CDH23: variants seen among roughly 807,000 people sequenced by gnomAD.
CDH23 encodes the protein cadherin related 23.
CDH23 carries 189 observed loss-of-function variants against 317.1 expected under a neutral mutation model. The ratio of observed to expected loss-of-function variants is 0.60; its 90% CI spans 0.53 to 0.67. The LOEUF (loss-of-function observed/expected upper bound fraction) is 0.67. CDH23 is among the 30% of genes least tolerant of loss of function. The pLI, the probability that CDH23 is intolerant of heterozygous loss-of-function variation, is 0.00. For synonymous variants in CDH23, 1,839 were observed against 1,876.8 expected (o/e 0.98, Z 0.52); for missense variants, 4,401 against 4,592.4 (o/e 0.96, Z 1.20).
In CDH23 at chr10:71,578,237, TG is replaced by T. The variant is rs36088489; in HGVS notation, c.832+248del. Reference sequence around the variant, plus strand: ...GCTAAGCTGTCTGGGGGCTGCTTGGTGGGCACTGGGGGGTGGGCGCGTGTGC... The same window carrying T: ...GCTAAGCTGTCTGGGGGCTGCTTGGTGGCACTGGGGGGTGGGCGCGTGTGC... On this transcript the variant is annotated intron_variant, in intron 9 of 69. Coordinates refer to ENST00000224721, the MANE Select transcript of CDH23 (RefSeq NM_022124.6). 0.14 allele frequency among the ~76,000 whole-genome samples: 21,619 copies of T among 152,028 alleles called. 2,144 individuals are homozygous for T. The highest frequency in any genetic ancestry group is 0.51 in the East Asian group (2,625 of 5,132).
chr10:71,450,007 C>T (rs902718822), intron 3 of CDH23, among the ~76,000 whole-genome samples: 1 of 152,228 alleles, frequency 6.6e-6, no homozygotes, highest in Non-Finnish European at 1.5e-5. Flanking sequence ...GGTCTGTTCA[C>T]ATCGCCCTGC....
chr10:71,420,909 C>T (rs571191099), intron 1 of CDH23, among the ~76,000 whole-genome samples: 2 of 152,256 alleles, frequency 1.3e-5, no homozygotes, highest in East Asian at 1.9e-4. Context: ...AGTAACCTCA[C>T]AGAGCAGCAG....
At chr10:71,520,441 G>A (rs530378989) in intron 6 of CDH23, among the ~76,000 whole-genome samples, 1 of 152,324 alleles carries the variant, frequency 6.6e-6, no homozygotes, top group Admixed American at 6.5e-5. Flanking sequence ...ACTGAGTAAG[G>A]GTCAAGGATC....
chr10:71,613,730 C>A (rs1197360093), intron 9 of CDH23, among the ~76,000 whole-genome samples: 2 of 152,220 alleles, frequency 1.3e-5, no homozygotes, highest in Admixed American at 1.3e-4. Context: ...ACATGCAGAT[C>A]CCTTTAGAGT....
chr10:71,793,395 G>A lies in CDH23; in HGVS notation c.6467G>A (p.Gly2156Asp), dbSNP rs1261281103. 1 of 1,613,958 alleles carries A rather than the reference G, an allele frequency of 6.2e-7. No homozygotes were observed. Among genetic ancestry groups the A allele is most frequent in the Middle Eastern group, 1.6e-4 (1 of 6,062 alleles). ...ATDRGTVPLSGTAIVTILIDD... is the reference protein window; with the variant it reads ...ATDRGTVPLSDTAIVTILIDD... The stretch of plus-strand genomic sequence containing the variant: ...GACCGGGGCACCGTTCCTCTCTCGG[G>A]CACAGCCATTGTCACCATTCTGATC... The change falls in exon 48 of 70, where the codon GGC becomes GAC. Residue 2156 changes from glycine (G) to aspartate (D), a missense_variant. Gly to Asp is a moderately conservative substitution (Grantham distance 94). Coordinates refer to ENST00000224721, the MANE Select transcript of CDH23 (RefSeq NM_022124.6).
At chr10:71,584,130 G>C (rs145230222) in intron 9 of CDH23, among the ~76,000 whole-genome samples, 1 of 152,156 alleles carries the variant, frequency 6.6e-6, no homozygotes, top group Non-Finnish European at 1.5e-5. Context: ...TCTCAATGGC[G>C]GCAAAATTTT....
At chr10:71,773,499 C>G (rs1413554839) in intron 38 of CDH23, 2 of 1,504,244 alleles carry the variant, frequency 1.3e-6, no homozygotes, top group East Asian at 4.9e-5. Flanking sequence ...ACGCGGCCGG[C>G]GCGGGGAAGC....
chr10:71,740,822 G>C lies in CDH23; in HGVS notation c.4489G>C (p.Val1497Leu). 6.2e-7 allele frequency: 1 copy of C among 1,613,758 alleles called. No individual in the cohort carries two copies. The highest frequency in any genetic ancestry group is 8.5e-7 in the Non-Finnish European group (1 of 1,179,870). ...REELDHYILQ[V>L]VASDRGTPPR... ...ACTCCAGTTGCCCTCCTCCTTGCAG[G>C]TTGTGGCTTCTGACCGAGGCACCCC... The change falls in exon 37 of 70, where the codon GTT (valine) becomes CTT (leucine). Residue 1497 changes from valine (V) to leucine (L), a missense_variant and splice_region_variant. By Grantham distance (32) the Val-to-Leu change is conservative. Transcript: ENST00000224721.
intron 6 of CDH23, among the ~76,000 whole-genome samples, chr10:71,521,781 T>C (rs1854701590): frequency 6.6e-6 from 1 of 152,236 alleles, no homozygotes; most frequent in African/African-American, 2.4e-5. Context: ...TCCTCTGGAT[T>C]TGGAGGCACA....
intron 3 of CDH23, among the ~76,000 whole-genome samples, chr10:71,500,020 A>AT (rs1281441963): frequency 8.2e-6 from 1 of 122,572 alleles, no homozygotes; most frequent in African/African-American, 4.1e-5. Context: ...CTCCATCTCA[A>AT]AAAAAAAAAA....
chr10:71,703,597 G>C lies in CDH23; in HGVS notation c.2733+903G>C, dbSNP rs914158949. Among the ~76,000 whole-genome samples, 7 of 152,250 alleles carry C rather than the reference G, an allele frequency of 4.6e-5. No homozygotes were observed. The East Asian group carries it at 1.2e-3, about 25-fold the overall frequency. ...GGCTTATACCTGAGACACAATGGCT[G>C]TATCAGGTTAGCCTGTTCTCATTAG... is the stretch of plus-strand genomic sequence containing the variant. On this transcript the variant is annotated intron_variant, in intron 24 of 69. Transcript: ENST00000224721.
chr10:71,565,420 A>G (rs1857343656), intron 6 of CDH23, among the ~76,000 whole-genome samples: 1 of 152,082 alleles, frequency 6.6e-6, no homozygotes, highest in South Asian at 2.1e-4. Context: ...GGGAGCTCCT[A>G]CCAGAACTTC....
At chr10:71,542,446 T>C (rs1168336124) in intron 6 of CDH23, among the ~76,000 whole-genome samples, 3 of 152,220 alleles carry the variant, frequency 2.0e-5, no homozygotes, top group Non-Finnish European at 4.4e-5. Context: ...TTTAGGGTCT[T>C]GCTGTGCTTA....
intron 3 of CDH23, among the ~76,000 whole-genome samples, chr10:71,461,292 GC>G (rs1850970623): frequency 2.6e-5 from 4 of 152,234 alleles, no homozygotes; most frequent in South Asian, 4.1e-4. Context: ...GGGCATGATG[GC>G]CTTTCTCCCT....
At chr10:71,693,542 A>G (rs986456565) in intron 20 of CDH23, among the ~76,000 whole-genome samples, 1 of 152,218 alleles carries the variant, frequency 6.6e-6, no homozygotes, top group Non-Finnish European at 1.5e-5. Flanking sequence ...ACTGTCCAGT[A>G]ATGAGTCACA....
At chr10:71,645,446 C>G (rs577608530) in intron 12 of CDH23, among the ~76,000 whole-genome samples, 2 of 152,360 alleles carry the variant, frequency 1.3e-5, no homozygotes, top group South Asian at 4.1e-4. Flanking sequence ...CTCCACTCCC[C>G]TCACATCCTC....
At chr10:71,760,140 T>TATATATGTGTGTATATATATGTATATAC in intron 38 of CDH23, among the ~76,000 whole-genome samples, 1 of 24,488 alleles carries the variant, frequency 4.1e-5, no homozygotes, top group Non-Finnish European at 9.3e-5. Context: ...TGTATATACA[T>TATATATGTGTGTATATATATGTATATAC]ATATATGTGT....
chr10:71,503,662 T>C (rs1853469761), intron 3 of CDH23, among the ~76,000 whole-genome samples: 3 of 152,006 alleles, frequency 2.0e-5, no homozygotes, highest in Admixed American at 1.3e-4. Context: ...AATAAGCAGA[T>C]CCTTTCAGAG....
intron 28 of CDH23, among the ~76,000 whole-genome samples, chr10:71,723,586 T>C (rs1866664207): frequency 6.6e-6 from 1 of 152,104 alleles, no homozygotes; most frequent in Non-Finnish European, 1.5e-5. Flanking sequence ...CAGTGTACAG[T>C]GCCGGCTGGG....
Sources: gnomAD v4.1 joint callset for allele counts (sites outside exome capture counted in the v4.1 genomes callset) on GRCh38, gnomAD v4.1.1 for gene constraint, MANE v1.5 for transcripts, NCBI Gene and HGNC (gene_info 2026-07-23, HGNC 2026-07-21) for gene names.